The following L3MBTL4 variants were observed in gnomAD, a reference collection of about 807,000 sequenced individuals.
L3MBTL4 encodes lethal(3)malignant brain tumor-like protein 4.
L3MBTL4 carries 70 observed loss-of-function variants against 84.5 expected under a neutral mutation model. The ratio of observed to expected loss-of-function variants is 0.83; its 90% CI spans 0.68 to 1.01. L3MBTL4 has a LOEUF of 1.01. L3MBTL4 is among the 50% of genes least tolerant of loss of function. L3MBTL4 has a pLI of 0.00. For synonymous variants in L3MBTL4, 274 were observed against 259.8 expected (o/e 1.05, Z -0.52); for missense variants, 715 against 754.8 (o/e 0.95, Z 0.62).
chr18:6,213,289 C>T, intron 11 of L3MBTL4, 30 bp from the exon 12 acceptor site: 1 of 1,322,862 alleles, frequency 7.6e-7, no homozygotes, highest in Non-Finnish European at 1.1e-6. Flanking sequence ...TACAACAAAT[C>T]ATGCAAAATT....
chr18:6,002,661 G>A (rs1234118925), intron 16 of L3MBTL4, among the ~76,000 whole-genome samples: 1 of 151,686 alleles, frequency 6.6e-6, no homozygotes, highest in African/African-American at 2.4e-5. Context: ...TAATGTACAT[G>A]GTCATCACAA....
chr18:6,330,027 A>G (rs144170045), intron 1 of L3MBTL4, among the ~76,000 whole-genome samples: 1 of 152,350 alleles, frequency 6.6e-6, no homozygotes, highest in Non-Finnish European at 1.5e-5. Context: ...ATAGTATTGT[A>G]GTAGAGTGTG....
intron 1 of L3MBTL4, among the ~76,000 whole-genome samples, chr18:6,408,022 C>T (rs753810892): frequency 1.7e-4 from 26 of 152,050 alleles, no homozygotes; most frequent in Non-Finnish European, 3.5e-4. Context: ...ACCATCCCCT[C>T]CAAACACACA....
At chr18:6,010,738 A>T (rs12455585) in intron 16 of L3MBTL4, among the ~76,000 whole-genome samples, 13 of 152,074 alleles carry the variant, frequency 8.5e-5, no homozygotes, top group East Asian at 1.9e-4. Flanking sequence ...TTATTTTTTT[A>T]AAAAAAGCAA....
chr18:6,186,002 A>ATTTTATTT (rs542901226), intron 12 of L3MBTL4, among the ~76,000 whole-genome samples: 44 of 134,206 alleles, frequency 3.3e-4, no homozygotes, highest in African/African-American at 1.6e-3. Flanking sequence ...TTATTATTTT[A>ATTTTATTT]TATTTTATTT....
At chr18:6,338,137 G>T (rs894086862) in intron 1 of L3MBTL4, among the ~76,000 whole-genome samples, 1 of 151,716 alleles carries the variant, frequency 6.6e-6, no homozygotes, top group Non-Finnish European at 1.5e-5. Flanking sequence ...ATCCACTGAC[G>T]ACAGAACCAT....
At chr18:6,182,884 G>A (rs2044543508) in intron 12 of L3MBTL4, among the ~76,000 whole-genome samples, 1 of 152,130 alleles carries the variant, frequency 6.6e-6, no homozygotes, top group African/African-American at 2.4e-5. Context: ...TAATGCCACT[G>A]AAAATAACTT....
chr18:5,966,555 C>T (rs184105320), intron 17 of L3MBTL4, among the ~76,000 whole-genome samples: 1 of 152,300 alleles, frequency 6.6e-6, no homozygotes, highest in East Asian at 1.9e-4. Context: ...ACACTCACAC[C>T]TTGGGAAATG....
At chr18:6,231,164 C>A (rs2046984008) in intron 10 of L3MBTL4, among the ~76,000 whole-genome samples, 1 of 152,092 alleles carries the variant, frequency 6.6e-6, no homozygotes, top group African/African-American at 2.4e-5. Context: ...GGCCTATATC[C>A]AGGATGGTAT....
At chr18:6,082,363 A>T (rs2058108538) in intron 15 of L3MBTL4, 1 of 152,108 alleles carries the variant, frequency 6.6e-6, no homozygotes, top group Non-Finnish European at 1.5e-5. Context: ...TGTAGGAGAA[A>T]ATATAAACTA....
At chr18:6,300,840 T>C (rs2050308722) in intron 4 of L3MBTL4, among the ~76,000 whole-genome samples, 1 of 152,210 alleles carries the variant, frequency 6.6e-6, no homozygotes, top group African/African-American at 2.4e-5. Flanking sequence ...CCAATTCATT[T>C]CTAAAATCCC....
intron 16 of L3MBTL4, among the ~76,000 whole-genome samples, chr18:5,982,058 A>C (rs1429301598): frequency 6.6e-6 from 1 of 151,844 alleles, no homozygotes; most frequent in African/African-American, 2.4e-5. Context: ...AAATGTTTAA[A>C]TGGCAGGAAC....
intron 13 of L3MBTL4, among the ~76,000 whole-genome samples, chr18:6,159,266 G>T (rs1471415360): frequency 6.6e-6 from 1 of 152,186 alleles, no homozygotes. Flanking sequence ...TTTCTGTTCA[G>T]AGACGGGATA....
chr18:6,096,293 A>C (rs1205387761), intron 14 of L3MBTL4, among the ~76,000 whole-genome samples: 1 of 152,168 alleles, frequency 6.6e-6, no homozygotes, highest in African/African-American at 2.4e-5. Context: ...TCATTCAATC[A>C]TTCACCTATT....
chr18:6,246,962 A>G (rs2047690525), intron 5 of L3MBTL4, among the ~76,000 whole-genome samples: 1 of 152,144 alleles, frequency 6.6e-6, no homozygotes, highest in South Asian at 2.1e-4. Flanking sequence ...GACAGTGTAG[A>G]GAGCACATGC....
At chr18:6,278,302 C>T (rs931011476) in intron 4 of L3MBTL4, among the ~76,000 whole-genome samples, 2 of 152,002 alleles carry the variant, frequency 1.3e-5, no homozygotes, top group South Asian at 4.1e-4. Flanking sequence ...TAAATTTTAT[C>T]GAAAGCCATT....
At position 6,046,879 on chromosome 18, in the gene L3MBTL4, C is replaced by A. The variant is rs987836042; in HGVS notation, c.1444+34002G>T. ...AAGTATAAACTAACCCCAAAACTAG[C>A]AGAAGAAAAGAATTGACTAAAATCA... On this transcript the variant is annotated intron_variant, in intron 16 of 18. Transcript: ENST00000317931. 5.0e-6 allele frequency: 3 copies of A among 596,232 alleles called. No individual in the cohort carries two copies. In the African/African-American group the frequency reaches 5.7e-5, roughly 11 times the overall value. 36.9% of individuals were successfully genotyped at this position (596,232 alleles called of 1,614,324 possible). A position where few individuals can be genotyped will look rare whatever the true frequency, so the allele number is the denominator to read the frequency against.
At chr18:6,318,003 T>G (rs1400613796) in intron 1 of L3MBTL4, among the ~76,000 whole-genome samples, 2 of 152,082 alleles carry the variant, frequency 1.3e-5, no homozygotes, top group Non-Finnish European at 2.9e-5. Flanking sequence ...CCAGCAAAAC[T>G]AAATTTCAAA....
rs2059208507 is a variant in L3MBTL4 at position 6,111,912 on chromosome 18, G to A, written c.1200-18384C>T. ...CAACACATTGTTATTAACTAGAGTC[G>A]ACATGTTGTGCAATATATCTCCTTG... On this transcript the variant is annotated intron_variant, in intron 14 of 18. Transcript: ENST00000317931. Among the ~76,000 whole-genome samples, 3 of 151,902 alleles carry A rather than the reference G, an allele frequency of 2.0e-5. No individual in the cohort carries two copies. In the South Asian group the frequency reaches 6.2e-4, roughly 32 times the overall value.
Sources: allele counts gnomAD v4.1 joint callset (sites outside exome capture counted in the v4.1 genomes callset), GRCh38; gene constraint gnomAD v4.1.1; transcripts MANE v1.5; gene names NCBI Gene and HGNC (gene_info 2026-07-23, HGNC 2026-07-21).